Variants in TCF7L1 observed in about 807,000 individuals in gnomAD.
TCF7L1 encodes the protein transcription factor 7-like 1.
Under a neutral mutation model 63.7 loss-of-function variants are expected in TCF7L1, and 18 were observed. The observed-to-expected ratio is 0.28, with a 90% CI of 0.20 to 0.42. The LOEUF (loss-of-function observed/expected upper bound fraction) is 0.42, where lower values mean the gene tolerates loss of function less well. Ranked by LOEUF, TCF7L1 falls within the 10% of genes least tolerant of loss-of-function variation. The probability of loss-of-function intolerance (pLI) is 1.00; values close to 1 mark genes in which losing one functional copy is unlikely to be tolerated. For synonymous variants in TCF7L1, 355 were observed against 340.9 expected (o/e 1.04, Z -0.46); for missense variants, 654 against 779.3 (o/e 0.84, Z 1.91).
At chr2:85,248,034 T>C (rs907049842) in intron 3 of TCF7L1, among the ~76,000 whole-genome samples, 2 of 152,192 alleles carry the variant, frequency 1.3e-5, no homozygotes, top group African/African-American at 4.8e-5. Context: ...CAAGAATATA[T>C]CTTCCTATGG....
intron 3 of TCF7L1, among the ~76,000 whole-genome samples, chr2:85,249,055 C>T (rs1266536632): frequency 1.3e-5 from 2 of 151,538 alleles, no homozygotes; most frequent in Non-Finnish European, 2.9e-5. Context: ...TTTTCCGTCT[C>T]TTGTAAGTAT....
At chr2:85,144,672 A>G (rs1677826949) in intron 3 of TCF7L1, among the ~76,000 whole-genome samples, 1 of 151,736 alleles carries the variant, frequency 6.6e-6, no homozygotes, top group Non-Finnish European at 1.5e-5. Context: ...TGGGAATTGC[A>G]GAGGGGATAT....
intron 3 of TCF7L1, among the ~76,000 whole-genome samples, chr2:85,198,379 AGG>A (rs2104274403): frequency 6.6e-6 from 1 of 152,292 alleles, no homozygotes; most frequent in South Asian, 2.1e-4. Flanking sequence ...GCTGGCAAGT[AGG>A]GAAGGGGGTG....
chr2:85,171,974 C>T lies in TCF7L1; in HGVS notation c.441+37524C>T, dbSNP rs530636123. On this transcript the variant is annotated intron_variant, in intron 3 of 11. Transcript: ENST00000282111. ...CATCCCGGGTTACTGCCTGAGTCCT[C>T]GTAGACCTTGGGGAGACCAGTTTCT... 1.5e-4 allele frequency among the ~76,000 whole-genome samples: 23 copies of T among 152,230 alleles called. 1 individual carries two copies. Among genetic ancestry groups the T allele is most frequent in the South Asian group, 4.2e-4 (2 of 4,814 alleles).
At chr2:85,265,010 G>A (rs1389511016) in intron 3 of TCF7L1, among the ~76,000 whole-genome samples, 1 of 152,122 alleles carries the variant, frequency 6.6e-6, no homozygotes, top group African/African-American at 2.4e-5. Context: ...GCCTTATAAT[G>A]GATCCACCGG....
In TCF7L1 at chr2:85,134,762, G is replaced by GA. The variant is rs1553392434; in HGVS notation, c.441+312_441+313insA. 6.6e-6 allele frequency among the ~76,000 whole-genome samples: 1 copy of GA among 152,208 alleles called. No individual in the cohort carries two copies. The highest frequency in any genetic ancestry group is 1.5e-5 in the Non-Finnish European group (1 of 68,050). On this transcript the variant is annotated intron_variant, in intron 3 of 11. Coordinates refer to ENST00000282111, the MANE Select transcript of TCF7L1 (RefSeq NM_031283.3). This position sits in a 1 kb window ranked among gnomAD's most constrained non-coding sequence, Gnocchi z 5.0. ...CTTGGATTTGTGCCCGCTTTGGGGG[G>GA]GTCTCGCTTTCCTTCTTGGAAATCG...
intron 3 of TCF7L1, among the ~76,000 whole-genome samples, chr2:85,149,834 T>C (rs1677966945): frequency 6.6e-6 from 1 of 152,078 alleles, no homozygotes; most frequent in Non-Finnish European, 1.5e-5. Flanking sequence ...TCTGTAACTT[T>C]TTTCTGAGCC....
At chr2:85,232,126 C>T (rs1039908870) in intron 3 of TCF7L1, among the ~76,000 whole-genome samples, 2 of 152,126 alleles carry the variant, frequency 1.3e-5, no homozygotes, top group African/African-American at 4.8e-5. Context: ...GCCCACAAGG[C>T]GATCGGGTCA....
Position 85,302,602 on chromosome 2 carries a change from T to C in TCF7L1, c.644T>C (p.Ile215Thr). The C allele has an allele frequency of 7.2e-7, 1 of 1,395,510 alleles. No homozygotes were observed. The highest frequency in any genetic ancestry group is 1.1e-5 in the South Asian group (1 of 88,096). The allele number at this position is 1,395,510 out of a possible 1,614,324, so 86.4% of individuals were successfully genotyped here. A position where few individuals can be genotyped will look rare whatever the true frequency, so the allele number is the denominator to read the frequency against. Residue 215 changes from isoleucine to threonine, a missense_variant, in exon 5 of 12, where the codon ATC becomes ACC. Physicochemically the swap from Ile to Thr is moderately conservative, Grantham distance 89. Coordinates refer to ENST00000282111, the MANE Select transcript of TCF7L1 (RefSeq NM_031283.3). ...CCTCCCACCCACCTCTCCCCAGAGA[T>C]CGATCCAAAGACAGGTAAGTCGTCT... ...GSPPTHLSPEIDPKTGIPRPP... is the reference protein window; with the variant it reads ...GSPPTHLSPETDPKTGIPRPP...
chr2:85,150,475 A>G (rs1486435688), intron 3 of TCF7L1, among the ~76,000 whole-genome samples: 1 of 150,918 alleles, frequency 6.6e-6, no homozygotes, highest in South Asian at 2.1e-4. Flanking sequence ...CTCGTGATCC[A>G]CCCGCCTTGG....
intron 3 of TCF7L1, among the ~76,000 whole-genome samples, chr2:85,205,521 C>T (rs1679385282): frequency 6.8e-6 from 1 of 147,746 alleles, no homozygotes; most frequent in South Asian, 2.2e-4. Context: ...AGCAGAAATG[C>T]TTGTCAGCCC....
intron 3 of TCF7L1, among the ~76,000 whole-genome samples, chr2:85,174,155 C>T (rs186715614): frequency 1.1e-3 from 160 of 152,262 alleles, no homozygotes; most frequent in Non-Finnish European, 1.2e-3. Context: ...TCACTTTGTT[C>T]TCCTCTCCCC....
chr2:85,193,609 T>G (rs779230464), intron 3 of TCF7L1, among the ~76,000 whole-genome samples: 2 of 152,232 alleles, frequency 1.3e-5, no homozygotes, highest in African/African-American at 4.8e-5. Flanking sequence ...AGTGATAGTA[T>G]TCTACCAGCG....
intron 4 of TCF7L1, among the ~76,000 whole-genome samples, chr2:85,289,825 C>T (rs1681646642): frequency 6.6e-6 from 1 of 152,054 alleles, no homozygotes; most frequent in Non-Finnish European, 1.5e-5. Flanking sequence ...GTATTCACCA[C>T]CACGCCCAGC....
At chr2:85,271,370 G>A (rs140040237) in intron 3 of TCF7L1, among the ~76,000 whole-genome samples, 3,059 of 152,200 alleles carry the variant, frequency 0.02, 97 homozygotes, top group African/African-American at 0.069. Flanking sequence ...CTCGGCCTCC[G>A]AAAGTGCTGG....
At chr2:85,291,600 C>T (rs111563659) in intron 4 of TCF7L1, among the ~76,000 whole-genome samples, 15 of 151,396 alleles carry the variant, frequency 9.9e-5, no homozygotes, top group African/African-American at 2.7e-4. Context: ...GGTTTTAGGA[C>T]GGAGTTTCAC....
chr2:85,147,835 A>G (rs1317053795), intron 3 of TCF7L1, among the ~76,000 whole-genome samples: 2 of 152,168 alleles, frequency 1.3e-5, no homozygotes, highest in African/African-American at 4.8e-5. Flanking sequence ...GTAACTTTAC[A>G]TTGGATATAC....
At chr2:85,242,418 C>T (rs1680356227) in intron 3 of TCF7L1, among the ~76,000 whole-genome samples, 1 of 152,234 alleles carries the variant, frequency 6.6e-6, no homozygotes, top group African/African-American at 2.4e-5. Context: ...AAGGAATGGT[C>T]CTCCATCACC....
At chr2:85,268,343 G>A (rs1681058362) in intron 3 of TCF7L1, among the ~76,000 whole-genome samples, 1 of 152,180 alleles carries the variant, frequency 6.6e-6, no homozygotes, top group Admixed American at 6.5e-5. Flanking sequence ...AGCACCTCCA[G>A]AGAGAAGGAC....
Sources: allele counts gnomAD v4.1 joint callset (sites outside exome capture counted in the v4.1 genomes callset), GRCh38; gene constraint gnomAD v4.1.1; non-coding constraint Gnocchi (gnomAD v3.1); transcripts MANE v1.5; gene names NCBI Gene and HGNC (gene_info 2026-07-23, HGNC 2026-07-21).